The following B3GALT5 variants were observed in gnomAD, a reference collection of about 807,000 sequenced individuals.
The protein encoded by B3GALT5 is beta-1,3-galactosyltransferase 5, also known as UDP-Gal:betaGlcNAc beta 1,3-galactosyltransferase, polypeptide 5.
For missense variants in B3GALT5, 328 were observed against 396.6 expected (o/e 0.83, Z 1.47); for synonymous variants, 156 against 158.6 (o/e 0.98, Z 0.12).
chr21:39,656,165 C>G (rs1400082325), intron 2 of B3GALT5, among the ~76,000 whole-genome samples: 2 of 152,194 alleles, frequency 1.3e-5, no homozygotes, highest in Admixed American at 6.5e-5. Flanking sequence ...CCGGGTGATT[C>G]TGACACTCAC....
chr21:39,668,638 CTGTGGTACATTTAGA>C lies in B3GALT5; in HGVS notation c.*7147_*7161del, dbSNP rs1379732399. 4 of 152,244 alleles carry C rather than the reference CTGTGGTACATTTAGA, an allele frequency of 2.6e-5. No individual in the cohort carries two copies. Among genetic ancestry groups the C allele is most frequent in the Non-Finnish European group, 5.9e-5 (4 of 68,092 alleles). 9.4% of individuals were successfully genotyped at this position (152,244 alleles called of 1,614,324 possible). On this transcript the variant is annotated 3_prime_UTR_variant, in exon 4 of 4. Transcript: ENST00000684187. ...AGGGACAAGCTTGCATGGCACCCAG[CTGTGGTACATTTAGA>C]ACTCGGCCTCAGCCCTCCAGTGTGA...
intron 2 of B3GALT5, among the ~76,000 whole-genome samples, chr21:39,649,660 G>A (rs1176147285): frequency 1.3e-5 from 2 of 152,086 alleles, no homozygotes; most frequent in Admixed American, 1.3e-4. Context: ...GACCCCAGGG[G>A]CGAGGGGGAT....
intron 1 of B3GALT5, among the ~76,000 whole-genome samples, chr21:39,642,297 A>G (rs2079296047): frequency 6.6e-6 from 1 of 152,242 alleles, no homozygotes; most frequent in Admixed American, 6.5e-5. Flanking sequence ...ATTACAGTGT[A>G]ATGACTGCTA....
chr21:39,639,384 TTCCTTCC>T lies in B3GALT5; in HGVS notation c.-391-7006_-391-7000del, dbSNP rs1262235036. ...CTTCCTTCCTTCCTTCCTTCCTTCC[TTCCTTCC>T]TTCTTTCTTTTTCTTTCTTTCTTTC... On this transcript the variant is annotated intron_variant, in intron 1 of 3. Coordinates refer to ENST00000684187, the MANE Select transcript of B3GALT5 (RefSeq NM_001356336.2). Among the ~76,000 whole-genome samples the T allele has an allele frequency of 4.0e-4, 54 of 133,706 alleles. 1 individual carries two copies. The East Asian group carries it at 4.6e-3, about 11-fold the overall frequency. The allele number at this position is 133,706 out of a possible 152,430, so 87.7% of individuals were successfully genotyped here. A position where few individuals can be genotyped will look rare whatever the true frequency, so the allele number is the denominator to read the frequency against.
At chr21:39,655,210 C>T (rs2079430986) in intron 2 of B3GALT5, among the ~76,000 whole-genome samples, 2 of 152,212 alleles carry the variant, frequency 1.3e-5, no homozygotes, top group South Asian at 4.1e-4. Context: ...TGTTTCAGTT[C>T]AAGTCCGAAG....
At chr21:39,655,964 T>TG (rs2079439929) in intron 2 of B3GALT5, among the ~76,000 whole-genome samples, 1 of 152,238 alleles carries the variant, frequency 6.6e-6, no homozygotes, top group African/African-American at 2.4e-5. Context: ...CACAGTGGTC[T>TG]GGGGTCTTCG....
In B3GALT5 at chr21:39,667,093, G is replaced by A. The variant is rs1359759213; in HGVS notation, c.*5601G>A. ...TCCTGGCACAGGGTCAGTGAGCCCC[G>A]AGGCCACCTCCCTGGAGGCTGCAGG... On this transcript the variant is annotated 3_prime_UTR_variant, in exon 4 of 4. Transcript: ENST00000684187. 3 of 152,276 alleles carry A rather than the reference G, an allele frequency of 2.0e-5. No individual in the cohort carries two copies. The highest frequency in any genetic ancestry group is 4.1e-4 in the South Asian group (2 of 4,832). The allele number at this position is 152,276 out of a possible 1,614,324, so 9.4% of individuals were successfully genotyped here.
chr21:39,622,622 G>A (rs1260868994), intron 1 of B3GALT5, among the ~76,000 whole-genome samples: 3 of 152,160 alleles, frequency 2.0e-5, no homozygotes, highest in African/African-American at 7.2e-5. Flanking sequence ...TACTTTGGGT[G>A]TGTCATTTGA....
At chr21:39,644,516 C>T (rs1255110506) in intron 1 of B3GALT5, among the ~76,000 whole-genome samples, 2 of 152,184 alleles carry the variant, frequency 1.3e-5, no homozygotes, top group Non-Finnish European at 2.9e-5. Context: ...TTTCCTCTCA[C>T]AGTTCCATTG....
chr21:39,642,937 A>G (rs1477066722), intron 1 of B3GALT5, among the ~76,000 whole-genome samples: 2 of 151,850 alleles, frequency 1.3e-5, no homozygotes, highest in African/African-American at 4.8e-5. Context: ...CTTCGATCCC[A>G]GCTACTTGGG....
At position 39,656,503 on chromosome 21, in the gene B3GALT5, C is replaced by A. The variant is rs527703281; in HGVS notation, c.-160-3250C>A. On this transcript the variant is annotated intron_variant, in intron 2 of 3. Transcript: ENST00000684187. ...GCTTCCTCTCCACCGAGGGCCACAG[C>A]CCCTGGAGACCCCTTGAGCTGAGTG... is the stretch of plus-strand genomic sequence containing the variant. Among the ~76,000 whole-genome samples, 12 of 152,340 alleles carry A rather than the reference C, an allele frequency of 7.9e-5. No individual in the cohort carries two copies. In the East Asian group the frequency reaches 2.3e-3, roughly 29 times the overall value.
rs1470175659 is a variant in B3GALT5, at chr21:39,661,677, T to C, written c.*185T>C. The C allele has an allele frequency of 9.0e-6, 5 of 552,546 alleles. No homozygotes were observed. The highest frequency in any genetic ancestry group is 1.5e-5 in the Non-Finnish European group (5 of 327,004). The allele number at this position is 552,546 out of a possible 1,614,324, so 34.2% of individuals were successfully genotyped here. On this transcript the variant is annotated 3_prime_UTR_variant, in exon 4 of 4. Coordinates refer to ENST00000684187, the MANE Select transcript of B3GALT5 (RefSeq NM_001356336.2). This position sits in a 1 kb window ranked among gnomAD's most constrained non-coding sequence, Gnocchi z 4.7. ...GGTGCCCCAGGCAATAATAGGCCCGTCTCTTGGGCACGCACACTCTTCATA... is the reference window on the plus strand; with the variant it reads ...GGTGCCCCAGGCAATAATAGGCCCGCCTCTTGGGCACGCACACTCTTCATA...
At chr21:39,659,048 C>A (rs1199085956) in intron 2 of B3GALT5, among the ~76,000 whole-genome samples, 1 of 152,078 alleles carries the variant, frequency 6.6e-6, no homozygotes, top group Non-Finnish European at 1.5e-5. Context: ...TGAGACTAGC[C>A]TGGGCAACAT....
Position 39,613,081 on chromosome 21 carries a change from CT to C in B3GALT5, c.-392+15del, listed in dbSNP as rs2079088512. On this transcript the variant is annotated intron_variant, in intron 1 of 3. Transcript: ENST00000684187. ...GCCCCGCGCACGGTAAGGCCCGGGG[CT>C]GGGGCGCGGGGCGCGGGGAGCGCTG... 7.2e-6 allele frequency: 1 copy of C among 139,102 alleles called. No homozygotes were observed. The highest frequency in any genetic ancestry group is 2.7e-5 in the African/African-American group (1 of 37,618). The allele number at this position is 139,102 out of a possible 1,614,324, so 8.6% of individuals were successfully genotyped here.
chr21:39,643,374 C>T (rs867559118), intron 1 of B3GALT5, among the ~76,000 whole-genome samples: 50 of 145,994 alleles, frequency 3.4e-4, no homozygotes, highest in African/African-American at 1.2e-3. Flanking sequence ...GCCAAGATTG[C>T]GCCACTGCAC....
intron 1 of B3GALT5, among the ~76,000 whole-genome samples, chr21:39,637,503 G>A (rs1447669289): frequency 2.0e-5 from 3 of 152,222 alleles, no homozygotes; most frequent in Non-Finnish European, 2.9e-5. Flanking sequence ...AATCTTTGCT[G>A]CTTCCCTGTT....
At chr21:39,657,653 TCATC>T in intron 2 of B3GALT5, 1 of 305,700 alleles carries the variant, frequency 3.3e-6, no homozygotes, top group Non-Finnish European at 5.7e-6. Context: ...AAATTTCTTC[TCATC>T]TATCTGTCTG....
Position 39,660,614 on chromosome 21 carries a change from C to G in B3GALT5, c.55C>G (p.Leu19Val), listed in dbSNP as rs769493780. The G allele has an allele frequency of 1.4e-6, 2 of 1,452,962 alleles. No individual in the cohort carries two copies. The highest frequency in any genetic ancestry group is 1.8e-6 in the Non-Finnish European group (2 of 1,100,924). 90.0% of individuals were successfully genotyped at this position (1,452,962 alleles called of 1,614,324 possible). The change falls in exon 4 of 4, where the codon CTT becomes GTT. Residue 19 changes from leucine to valine, a missense_variant. Physicochemically the swap from Leu to Val is conservative, Grantham distance 32. Transcript: ENST00000684187. ...MYICLLVLGA[L>V]CLYFSMYSLN... ...TATTTGCCTTCTGGTTCTGGGGGCT[C>G]TTTGTTTGTATTTTAGCATGTACAG... is the stretch of plus-strand genomic sequence containing the variant.
intron 1 of B3GALT5, among the ~76,000 whole-genome samples, chr21:39,620,764 A>G (rs1025083647): frequency 1.3e-5 from 2 of 152,172 alleles, no homozygotes; most frequent in South Asian, 4.1e-4. Context: ...TGAATTAGCA[A>G]TTGATTTTGC....
Sources: gnomAD v4.1 joint callset for allele counts (sites outside exome capture counted in the v4.1 genomes callset) on GRCh38, gnomAD v4.1.1 for gene constraint, Gnocchi (gnomAD v3.1) non-coding constraint, MANE v1.5 for transcripts, NCBI Gene and HGNC (gene_info 2026-07-23, HGNC 2026-07-21) for gene names.